Variants in FSTL5 observed in about 807,000 individuals in gnomAD.
FSTL5 encodes follistatin like 5.
Under a neutral mutation model 89.1 loss-of-function variants are expected in FSTL5, and 62 were observed. That is an observed-to-expected ratio of 0.70 (90% CI 0.57 to 0.86). The LOEUF is 0.86. FSTL5 is among the 40% of genes least tolerant of loss of function. The pLI, the probability that FSTL5 is intolerant of heterozygous loss-of-function variation, is 0.00. For missense variants in FSTL5, 1,057 were observed against 1,001.6 expected (o/e 1.06, Z -0.75); for synonymous variants, 383 against 346.2 (o/e 1.11, Z -1.18).
chr4:161,810,785 A>G (rs904212545), intron 4 of FSTL5, among the ~76,000 whole-genome samples: 4 of 152,188 alleles, frequency 2.6e-5, no homozygotes, highest in Non-Finnish European at 4.4e-5. Context: ...AACATATAGA[A>G]GATACCCAGG....
intron 3 of FSTL5, among the ~76,000 whole-genome samples, chr4:161,929,350 A>C (rs1578868850): frequency 6.6e-6 from 1 of 150,628 alleles, no homozygotes; most frequent in South Asian, 2.1e-4. Context: ...CTCCAGCACC[A>C]TACTGTCTTG....
intron 1 of FSTL5, among the ~76,000 whole-genome samples, chr4:162,146,752 TTCTCTC>T (rs373161292): frequency 1.7e-5 from 2 of 117,940 alleles, no homozygotes; most frequent in East Asian, 4.8e-4. Context: ...TCTTTCTCCT[TTCTCTC>T]TCTCTCTCTC....
intron 6 of FSTL5, among the ~76,000 whole-genome samples, chr4:161,733,454 T>C (rs1009486253): frequency 3.9e-5 from 6 of 152,046 alleles, no homozygotes; most frequent in African/African-American, 1.4e-4. Context: ...TTTTGCTTAA[T>C]TTCATATCTG....
intron 3 of FSTL5, among the ~76,000 whole-genome samples, chr4:161,926,453 T>C (rs1043017209): frequency 6.6e-6 from 1 of 150,478 alleles, no homozygotes; most frequent in Non-Finnish European, 1.5e-5. Context: ...AAATAATAAG[T>C]AGAAAAAAGC....
At chr4:161,962,356 G>T (rs1330146404) in intron 3 of FSTL5, among the ~76,000 whole-genome samples, 1 of 151,872 alleles carries the variant, frequency 6.6e-6, no homozygotes, top group Non-Finnish European at 1.5e-5. Context: ...ATTTTGATAC[G>T]AATTGGAAAA....
chr4:161,658,250 A>G (rs1736588428), intron 6 of FSTL5, among the ~76,000 whole-genome samples: 2 of 151,806 alleles, frequency 1.3e-5, no homozygotes, highest in Admixed American at 1.3e-4. Flanking sequence ...GATCACTTGA[A>G]GTGAGGAGTT....
chr4:161,444,176 TA>T (rs1460264689), intron 15 of FSTL5, among the ~76,000 whole-genome samples: 1 of 151,150 alleles, frequency 6.6e-6, no homozygotes, highest in East Asian at 1.9e-4. Flanking sequence ...CAGGAAAGAG[TA>T]AATTGTGTTT....
At chr4:161,753,332 A>G (rs923796269) in intron 6 of FSTL5, among the ~76,000 whole-genome samples, 35 of 152,176 alleles carry the variant, frequency 2.3e-4, no homozygotes, top group African/African-American at 8.4e-4. Context: ...CAGAAACACC[A>G]TTCACCTTAG....
At chr4:161,932,101 A>T (rs1734301819) in intron 3 of FSTL5, among the ~76,000 whole-genome samples, 1 of 151,980 alleles carries the variant, frequency 6.6e-6, no homozygotes, top group South Asian at 2.1e-4. Context: ...TTAAGAAAAA[A>T]TGTATTGCAG....
chr4:161,724,158 G>A (rs1418017979), intron 6 of FSTL5, among the ~76,000 whole-genome samples: 1 of 151,938 alleles, frequency 6.6e-6, no homozygotes, highest in Non-Finnish European at 1.5e-5. Flanking sequence ...TAATGTTGAG[G>A]AAAAATTACA....
chr4:162,124,401 A>G (rs1731987535), intron 1 of FSTL5, among the ~76,000 whole-genome samples: 1 of 152,106 alleles, frequency 6.6e-6, no homozygotes, highest in South Asian at 2.1e-4. Context: ...ATTTTTAGCA[A>G]CTTTCTTTCT....
At chr4:161,424,024 CTTTTTT>C (rs11287729) in intron 15 of FSTL5, among the ~76,000 whole-genome samples, 1 of 75,378 alleles carries the variant, frequency 1.3e-5, no homozygotes, top group East Asian at 4.1e-4. Context: ...GCCCATCATT[CTTTTTT>C]TTTTTTTTTT....
Position 161,826,782 on chromosome 4 carries a change from C to T in FSTL5, c.410-50708G>A, listed in dbSNP as rs1730682514. Among the ~76,000 whole-genome samples the T allele has an allele frequency of 4.6e-5, 7 of 152,120 alleles. No homozygotes were observed. In the South Asian group the frequency reaches 1.5e-3, roughly 32 times the overall value. ...CCTTAACCTTAAGTTAATGTGAGTCCTTATGTGTCAGGTGAGTCTCAAAGA... is the reference window on the plus strand; with the variant it reads ...CCTTAACCTTAAGTTAATGTGAGTCTTTATGTGTCAGGTGAGTCTCAAAGA... On this transcript the variant is annotated intron_variant, in intron 4 of 15. Coordinates refer to ENST00000306100, the MANE Select transcript of FSTL5 (RefSeq NM_020116.5).
At chr4:161,662,381 TTA>T (rs1736747749) in intron 6 of FSTL5, among the ~76,000 whole-genome samples, 1 of 152,144 alleles carries the variant, frequency 6.6e-6, no homozygotes, top group African/African-American at 2.4e-5. Flanking sequence ...GTAAGATGTA[TTA>T]TGTTTATGAA....
chr4:161,913,522 A>AAC (rs1733756681), intron 4 of FSTL5, among the ~76,000 whole-genome samples: 2 of 152,140 alleles, frequency 1.3e-5, no homozygotes, highest in South Asian at 4.1e-4. Context: ...GATGTTTGGG[A>AAC]ACCTCCACCT....
At position 161,838,302 on chromosome 4, in the gene FSTL5, T is replaced by C. The variant is rs146957519; in HGVS notation, c.410-62228A>G. On this transcript the variant is annotated intron_variant, in intron 4 of 15. Transcript: ENST00000306100. ...TGTTTTCTGTTAATGTTTAACATAT[T>C]AAAATGTTTTCTGCTGCCCAGACTG... 1.9e-4 allele frequency among the ~76,000 whole-genome samples: 29 copies of C among 152,310 alleles called. 1 individual carries two copies. In the East Asian group the frequency reaches 5.6e-3, roughly 29 times the overall value.
intron 4 of FSTL5, among the ~76,000 whole-genome samples, chr4:161,777,076 C>T (rs1741436675): frequency 6.6e-6 from 1 of 151,938 alleles, no homozygotes; most frequent in South Asian, 2.1e-4. Context: ...TACTCTACAG[C>T]CATGACTTCA....
At chr4:161,689,960 G>T (rs927653972) in intron 6 of FSTL5, among the ~76,000 whole-genome samples, 2 of 152,062 alleles carry the variant, frequency 1.3e-5, no homozygotes, top group African/African-American at 4.8e-5. Flanking sequence ...CATCCAAGTT[G>T]TAATATGTAT....
intron 6 of FSTL5, among the ~76,000 whole-genome samples, chr4:161,662,685 T>C (rs1348544669): frequency 6.6e-6 from 1 of 152,074 alleles, no homozygotes; most frequent in Non-Finnish European, 1.5e-5. Flanking sequence ...GGAGAAGTAA[T>C]ATTTGAACAA....
Sources: allele counts gnomAD v4.1 joint callset (sites outside exome capture counted in the v4.1 genomes callset), GRCh38; gene constraint gnomAD v4.1.1; transcripts MANE v1.5; gene names NCBI Gene and HGNC (gene_info 2026-07-23, HGNC 2026-07-21).